The following NFKBIL1 variants were observed in gnomAD, a reference collection of about 807,000 sequenced individuals.
NFKBIL1 encodes the protein NFKB inhibitor like 1.
A neutral mutation model predicts 45.4 loss-of-function variants in NFKBIL1; 30 were observed. That is an observed-to-expected ratio of 0.66 (90% CI 0.49 to 0.90). The LOEUF (loss-of-function observed/expected upper bound fraction) is 0.90. Ranked by LOEUF, NFKBIL1 falls within the 40% of genes least tolerant of loss-of-function variation. NFKBIL1 has a pLI of 0.00. For synonymous variants in NFKBIL1, 179 were observed against 197.3 expected (o/e 0.91, Z 0.78); for missense variants, 434 against 513.4 (o/e 0.85, Z 1.49).
intron 2 of NFKBIL1, chr6:31,556,804 T>A (rs933413562): frequency 2.0e-5 from 9 of 454,552 alleles, no homozygotes; most frequent in Admixed American, 7.1e-5. Context: ...CTGAGAGAAA[T>A]TCCCCTGAAA....
At chr6:31,546,909 G>A, upstream of NFKBIL1, 1 of 297,042 alleles carries the variant, frequency 3.4e-6, no homozygotes, top group South Asian at 8.3e-5. This position sits in a 1 kb window ranked among gnomAD's most constrained non-coding sequence, Gnocchi z 4.1. Context: ...GTACTGAGGT[G>A]AGAGAAGGAG....
rs752392625 is a variant in NFKBIL1, at chr6:31,558,259, C to T, written c.794C>T (p.Ala265Val). Residue 265 changes from alanine to valine, a missense_variant, in exon 4 of 4, where the codon GCG becomes GTG. Coordinates refer to ENST00000376148, the MANE Select transcript of NFKBIL1 (RefSeq NM_005007.4). The surrounding 1 kb of genome is among the most constrained non-coding windows in gnomAD (Gnocchi z 7.2). ...EELRESRARRAQEALGDREPK... is the reference protein window; with the variant it reads ...EELRESRARRVQEALGDREPK... The stretch of plus-strand genomic sequence containing the variant: ...CTGCGTGAGAGCCGAGCCAGGAGGG[C>T]GCAGGAGGCTCTAGGGGACCGAGAA... The T allele has an allele frequency of 6.9e-6, 11 of 1,592,116 alleles. No homozygotes were observed. Among genetic ancestry groups the T allele is most frequent in the Non-Finnish European group, 9.4e-6 (11 of 1,169,374 alleles).
intron 2 of NFKBIL1, among the ~76,000 whole-genome samples, chr6:31,550,390 C>G (rs1398269836): frequency 6.8e-6 from 1 of 146,766 alleles, no homozygotes; most frequent in Non-Finnish European, 1.5e-5. Flanking sequence ...GGCCCCTCCC[C>G]CAAAACTCCC....
At chr6:31,556,730 G>A (rs188351248) in intron 2 of NFKBIL1, 64 of 457,130 alleles carry the variant, frequency 1.4e-4, no homozygotes, top group Admixed American at 1.3e-3. Context: ...TTGCTCTGCC[G>A]CCGGCCATAG....
intron 2 of NFKBIL1, among the ~76,000 whole-genome samples, chr6:31,549,314 C>A (rs1333159267): frequency 6.6e-6 from 1 of 151,868 alleles, no homozygotes; most frequent in South Asian, 2.1e-4. Context: ...TGCAATGGTG[C>A]GATCCTGGCT....
Position 31,553,548 on chromosome 6 carries a change from G to T in NFKBIL1, c.335-4080G>T, listed in dbSNP as rs55786861. Among the ~76,000 whole-genome samples the T allele has an allele frequency of 9.0e-3, 1,369 of 152,250 alleles. 9 individuals are homozygous for T. Among genetic ancestry groups the T allele is most frequent in the Middle Eastern group, 0.075 (22 of 294 alleles). On this transcript the variant is annotated intron_variant, in intron 2 of 3. Coordinates refer to ENST00000376148, the MANE Select transcript of NFKBIL1 (RefSeq NM_005007.4). ...ACGGTAAACTACCTTTATCTGTGAT[G>T]ATTTTATTTCCTTAAAATAAATTAT...
Position 31,557,755 on chromosome 6 carries a change from G to A in NFKBIL1, c.462G>A (p.Glu154=). 6.2e-7 allele frequency: 1 copy of A among 1,612,828 alleles called. No homozygotes were observed. Among genetic ancestry groups the A allele is most frequent in the Non-Finnish European group, 8.5e-7 (1 of 1,179,256 alleles). Residue 154 remains glutamate, a synonymous_variant, in exon 3 of 4, where the codon GAG becomes GAA. Coordinates refer to ENST00000376148, the MANE Select transcript of NFKBIL1 (RefSeq NM_005007.4). The surrounding 1 kb of genome is among the most constrained non-coding windows in gnomAD (Gnocchi z 5.4). ...CCCCCTGGGATTCTGCTGAAGAGGA[G>A]GAAGAAGATGATGCCTCCAAGGAGC... ...WGPPWDSAEE[E]EEDDASKERE... is the part of the protein sequence containing the mutation.
rs2150359453 is a variant in NFKBIL1, at chr6:31,548,199, C to T, written c.94C>T (p.Arg32Cys). 1 of 1,613,162 alleles carries T rather than the reference C, an allele frequency of 6.2e-7. No individual in the cohort carries two copies. The highest frequency in any genetic ancestry group is 8.5e-7 in the Non-Finnish European group (1 of 1,180,050). The change falls in exon 2 of 4, where the codon CGC (arginine) becomes TGC (cysteine). Residue 32 changes from arginine (R) to cysteine (C), a missense_variant. Physicochemically the swap from Arg to Cys is radical, Grantham distance 180. Transcript: ENST00000376148. ...SSMASTSRRQ[R>C]RERRFRRYLS... ...CATGGCCTCCACTTCCCGCCGCCAA[C>T]GCCGAGAACGTCGCTTTCGTCGTTA...
chr6:31,552,312 G>T (rs1027263827), intron 2 of NFKBIL1, among the ~76,000 whole-genome samples: 1 of 150,570 alleles, frequency 6.6e-6, no homozygotes, highest in African/African-American at 2.4e-5. Context: ...TCATTCTGTC[G>T]CCCAGGCTGG....
chr6:31,554,976 A>AT (rs758982099), intron 2 of NFKBIL1, among the ~76,000 whole-genome samples: 21 of 152,206 alleles, frequency 1.4e-4, no homozygotes, highest in Non-Finnish European at 2.4e-4. Context: ...TTGCCAAGCA[A>AT]TATTTGTAGT....
At chr6:31,553,734 G>A (rs1343870070) in intron 2 of NFKBIL1, among the ~76,000 whole-genome samples, 1 of 152,218 alleles carries the variant, frequency 6.6e-6, no homozygotes, top group Admixed American at 6.5e-5. Context: ...CGCAATCTTG[G>A]CTCACTGCAA....
intron 2 of NFKBIL1, 46 bp downstream of exon 2, chr6:31,548,485 C>A: frequency 2.1e-6 from 3 of 1,439,366 alleles, no homozygotes; most frequent in Non-Finnish European, 2.7e-6. Context: ...GCTGACCAGA[C>A]CTGAAATGAA....
Position 31,547,609 on chromosome 6 carries a change from C to T in NFKBIL1, c.-86C>T, listed in dbSNP as rs1465743282. Reference sequence around the variant, plus strand: ...TCCTCCAGCCTGGAGTGTCTCCGCCCTTCCCGCCTCCCGTCTCCGAGCTTC... The same window carrying T: ...TCCTCCAGCCTGGAGTGTCTCCGCCTTTCCCGCCTCCCGTCTCCGAGCTTC... On this transcript the variant is annotated 5_prime_UTR_variant, in exon 1 of 4. Coordinates refer to ENST00000376148, the MANE Select transcript of NFKBIL1 (RefSeq NM_005007.4). 6 of 924,196 alleles carry T rather than the reference C, an allele frequency of 6.5e-6. No homozygotes were observed. The highest frequency in any genetic ancestry group is 2.7e-5 in the East Asian group (1 of 37,656). 57.2% of individuals were successfully genotyped at this position (924,196 alleles called of 1,614,324 possible). A position where few individuals can be genotyped will look rare whatever the true frequency, so the allele number is the denominator to read the frequency against.
chr6:31,547,896 C>G (rs546707839), intron 1 of NFKBIL1, 145 bp downstream of exon 1: 1 of 774,968 alleles, frequency 1.3e-6, no homozygotes, highest in South Asian at 1.9e-5. Context: ...TTTACCTGGG[C>G]TCCTGAGCCT....
At position 31,557,844 on chromosome 6, in the gene NFKBIL1, T is replaced by C; in HGVS notation, c.551T>C (p.Phe184Ser). 1.3e-6 allele frequency: 2 copies of C among 1,590,020 alleles called. No individual in the cohort carries two copies. Among genetic ancestry groups the C allele is most frequent in the Non-Finnish European group, 1.7e-6 (2 of 1,165,336 alleles). Residue 184 changes from phenylalanine to serine, a missense_variant, in exon 3 of 4, where the codon TTT (phenylalanine) becomes TCT (serine). Around this residue, in one of 4 missense-constraint regions of NFKBIL1, gnomAD observed 231 missense variants for 264.1 expected, o/e 0.87. Transcript: ENST00000376148. The surrounding 1 kb of genome is among the most constrained non-coding windows in gnomAD (Gnocchi z 5.4). ...GAGTGGCAGGAAGTCATGGGGAGGT[T>C]TGAAGGTGAGAAGTCCACTGCTATC... ...EDEWQEVMGRFEGDASHETQE... is the reference protein window; with the variant it reads ...EDEWQEVMGRSEGDASHETQE...
At chr6:31,547,568 C>T (rs1041064771), upstream of NFKBIL1, 10 of 572,686 alleles carry the variant, frequency 1.7e-5, no homozygotes, top group South Asian at 1.5e-4. Context: ...CCACCTGCGT[C>T]TCTGCTTGCG....
At chr6:31,556,687 C>A in intron 2 of NFKBIL1, 1 of 457,302 alleles carries the variant, frequency 2.2e-6, no homozygotes. Context: ...CTCCCTTTCC[C>A]CTGCCCTAGG....
intron 2 of NFKBIL1, among the ~76,000 whole-genome samples, chr6:31,549,548 G>C (rs9267490): frequency 0.019 from 2,786 of 150,430 alleles, 37 homozygotes; most frequent in African/African-American, 0.033. Flanking sequence ...CACCACACCT[G>C]GCCTTGTTCC....
Position 31,557,896 on chromosome 6 carries a change from T to A in NFKBIL1, c.556+47T>A. On this transcript the variant is annotated intron_variant, in intron 3 of 3. Coordinates refer to ENST00000376148, the MANE Select transcript of NFKBIL1 (RefSeq NM_005007.4). This position sits in a 1 kb window ranked among gnomAD's most constrained non-coding sequence, Gnocchi z 5.4. ...ACAGCTGCCCTTCCCCACTGGCTGC[T>A]TTCCATCTGCATGAATGCGTCACAC... The A allele has an allele frequency of 6.5e-7, 1 of 1,536,170 alleles. No individual in the cohort carries two copies. The highest frequency in any genetic ancestry group is 8.8e-7 in the Non-Finnish European group (1 of 1,131,832).
Sources: allele counts gnomAD v4.1 joint callset (sites outside exome capture counted in the v4.1 genomes callset), GRCh38; gene constraint gnomAD v4.1.1; regional missense constraint gnomAD v4.1.1; non-coding constraint Gnocchi (gnomAD v3.1); transcripts MANE v1.5; gene names NCBI Gene and HGNC (gene_info 2026-07-23, HGNC 2026-07-21).